The following KCNB2 variants were observed in gnomAD, a reference collection of about 807,000 sequenced individuals.
The protein encoded by KCNB2 is potassium voltage-gated channel subfamily B member 2, also known as delayed rectifier potassium channel protein.
A neutral mutation model predicts 61.5 loss-of-function variants in KCNB2; 15 were observed. The observed-to-expected ratio is 0.24, with a 90% confidence interval of 0.16 to 0.38. The LOEUF (loss-of-function observed/expected upper bound fraction) is 0.38. KCNB2 is among the 10% of genes least tolerant of loss of function. The probability of loss-of-function intolerance (pLI) is 1.00; values close to 1 mark genes in which losing one functional copy is unlikely to be tolerated. For missense variants in KCNB2, 828 were observed against 1,125.2 expected (o/e 0.74, Z 3.78); for synonymous variants, 457 against 446.0 (o/e 1.02, Z -0.31).
chr8:72,640,086 C>A (rs1585800939), intron 2 of KCNB2, among the ~76,000 whole-genome samples: 1 of 150,790 alleles, frequency 6.6e-6, no homozygotes, highest in South Asian at 2.1e-4. Context: ...ATGGGGTGGC[C>A]CTGATTTGTG....
At chr8:72,598,862 A>C (rs1206709276) in intron 2 of KCNB2, among the ~76,000 whole-genome samples, 1 of 152,230 alleles carries the variant, frequency 6.6e-6, no homozygotes, top group African/African-American at 2.4e-5. Flanking sequence ...TTCAAAGAGA[A>C]TACAATACCT....
intron 2 of KCNB2, among the ~76,000 whole-genome samples, chr8:72,916,132 G>C (rs1806394319): frequency 6.6e-6 from 1 of 152,120 alleles, no homozygotes; most frequent in East Asian, 1.9e-4. Context: ...AGGAGATCTT[G>C]GGAGCTCACT....
At chr8:72,627,931 T>G (rs1370985071) in intron 2 of KCNB2, among the ~76,000 whole-genome samples, 2 of 152,134 alleles carry the variant, frequency 1.3e-5, no homozygotes, top group African/African-American at 2.4e-5. Context: ...AAAAAATGTT[T>G]CCCTGATGAC....
At chr8:72,708,176 G>A (rs537793337) in intron 2 of KCNB2, among the ~76,000 whole-genome samples, 52 of 152,316 alleles carry the variant, frequency 3.4e-4, no homozygotes, top group African/African-American at 1.2e-3. Context: ...AGTCCAGGTA[G>A]CCTTCCAGGG....
intron 2 of KCNB2, among the ~76,000 whole-genome samples, chr8:72,597,627 T>A (rs962535848): frequency 6.6e-6 from 1 of 152,186 alleles, no homozygotes; most frequent in Non-Finnish European, 1.5e-5. Flanking sequence ...GGTAGAGCAT[T>A]TTATTCATCA....
intron 2 of KCNB2, among the ~76,000 whole-genome samples, chr8:72,584,434 A>G (rs1806964630): frequency 6.6e-6 from 1 of 152,198 alleles, no homozygotes; most frequent in African/African-American, 2.4e-5. Context: ...ATTTAAATGA[A>G]GGATGCAGTC....
chr8:72,632,886 T>G (rs1156762294), intron 2 of KCNB2, among the ~76,000 whole-genome samples: 2 of 152,182 alleles, frequency 1.3e-5, no homozygotes, highest in African/African-American at 4.8e-5. Context: ...CTTGAAATAA[T>G]TTAGTTCCAT....
intron 2 of KCNB2, among the ~76,000 whole-genome samples, chr8:72,915,479 G>C (rs1806377680): frequency 6.6e-6 from 1 of 152,076 alleles, no homozygotes; most frequent in Non-Finnish European, 1.5e-5. Flanking sequence ...AAGGATGAAT[G>C]AATCAAATTT....
intron 2 of KCNB2, among the ~76,000 whole-genome samples, chr8:72,761,947 A>G (rs938698776): frequency 6.6e-6 from 1 of 152,200 alleles, no homozygotes; most frequent in Non-Finnish European, 1.5e-5. Flanking sequence ...TATAGTATAG[A>G]GTCTAGTCTA....
At chr8:72,719,295 T>C (rs1192878214) in intron 2 of KCNB2, among the ~76,000 whole-genome samples, 2 of 152,190 alleles carry the variant, frequency 1.3e-5, no homozygotes, top group African/African-American at 4.8e-5. Flanking sequence ...GACTTTTCCA[T>C]GTTCTTGTGG....
Position 72,568,050 on chromosome 8 carries a change from G to A in KCNB2, c.316G>A (p.Gly106Arg), listed in dbSNP as rs747695999. Residue 106 changes from glycine to arginine, a missense_variant, in exon 2 of 3, where the codon GGG becomes AGG. Around this residue, in one of 4 missense-constraint regions of KCNB2, gnomAD observed 163 missense variants for 314.4 expected, o/e 0.52. Transcript: ENST00000523207. ...TTCCATTTTAAATTTCTACCGGACC[G>A]GGAAACTCCATATGATGGAAGAAAT... is the stretch of plus-strand genomic sequence containing the variant. ...FTSILNFYRTGKLHMMEEMCA... is the reference protein window; with the variant it reads ...FTSILNFYRTRKLHMMEEMCA... 8.1e-5 allele frequency: 131 copies of A among 1,613,966 alleles called. No individual in the cohort carries two copies. Among genetic ancestry groups the A allele is most frequent in the South Asian group, 1.5e-4 (14 of 91,082 alleles).
intron 2 of KCNB2, among the ~76,000 whole-genome samples, chr8:72,817,862 G>A (rs17186996): frequency 0.088 from 13,426 of 152,082 alleles, 665 homozygotes; most frequent in South Asian, 0.21. Context: ...CTCATTCTCA[G>A]TCGTTCTAAA....
intron 2 of KCNB2, among the ~76,000 whole-genome samples, chr8:72,673,992 A>AACTATGAATT (rs1274180333): frequency 1.3e-5 from 2 of 152,158 alleles, no homozygotes; most frequent in Non-Finnish European, 2.9e-5. Context: ...AAAGAGAAAA[A>AACTATGAATT]ACTATGAATT....
At chr8:72,812,558 A>G (rs1306754876) in intron 2 of KCNB2, among the ~76,000 whole-genome samples, 2 of 152,106 alleles carry the variant, frequency 1.3e-5, no homozygotes, top group African/African-American at 4.8e-5. Context: ...TCAAGGAAAT[A>G]TTTATCAATT....
intron 2 of KCNB2, among the ~76,000 whole-genome samples, chr8:72,812,078 A>G (rs568760393): frequency 6.6e-6 from 1 of 152,274 alleles, no homozygotes; most frequent in East Asian, 1.9e-4. Context: ...CCTGCCCAAC[A>G]TGGTGAAATC....
intron 2 of KCNB2, among the ~76,000 whole-genome samples, chr8:72,605,552 CA>C (rs1805432127): frequency 2.6e-5 from 4 of 152,040 alleles, no homozygotes; most frequent in Non-Finnish European, 4.4e-5. Context: ...CTTTCTAAGT[CA>C]TTAGCAAGGA....
At chr8:72,856,634 A>C (rs1410594411) in intron 2 of KCNB2, among the ~76,000 whole-genome samples, 1 of 152,172 alleles carries the variant, frequency 6.6e-6, no homozygotes, top group Non-Finnish European at 1.5e-5. Flanking sequence ...TTATTACCTG[A>C]AAAAATAAGT....
chr8:72,540,742 TG>T, intron 1 of KCNB2, among the ~76,000 whole-genome samples: 1 of 152,250 alleles, frequency 6.6e-6, no homozygotes, highest in Middle Eastern at 3.4e-3. Flanking sequence ...CAGAAAGCCA[TG>T]TGTGTGAGAC....
At chr8:72,589,238 C>G (rs1441962131) in intron 2 of KCNB2, among the ~76,000 whole-genome samples, 1 of 151,526 alleles carries the variant, frequency 6.6e-6, no homozygotes, top group African/African-American at 2.4e-5. Flanking sequence ...TGAATGATGG[C>G]AAATAAATGC....
Sources: gnomAD v4.1 joint callset for allele counts (sites outside exome capture counted in the v4.1 genomes callset) on GRCh38, gnomAD v4.1.1 for gene constraint, gnomAD v4.1.1 regional missense constraint, MANE v1.5 for transcripts, NCBI Gene and HGNC (gene_info 2026-07-23, HGNC 2026-07-21) for gene names.